PDLIM1: variants seen among roughly 807,000 people sequenced by gnomAD.
PDLIM1 encodes the protein PDZ and LIM domain protein 1.
A neutral mutation model predicts 35.2 loss-of-function variants in PDLIM1; 25 were observed. The observed-to-expected ratio is 0.71, with a 90% confidence interval of 0.52 to 0.99. The LOEUF is 0.99. Ranked by LOEUF, PDLIM1 falls within the 50% of genes least tolerant of loss-of-function variation. The pLI is 0.00. For missense variants in PDLIM1, 363 were observed against 415.3 expected (o/e 0.87, Z 1.09); for synonymous variants, 152 against 154.0 (o/e 0.99, Z 0.10).
rs562977612 is a variant in PDLIM1 at position 95,237,952 on chromosome 10, A to C, written c.963T>G (p.Tyr321Ter). ...ACTTGGGGAACACAGTGACCACTTC[A>C]TAACCCTCAGGTGGTGTGACTCGCT... The part of the protein sequence containing the change: ...ARERVTPPEG[Y>*]EVVTVFPK Residue 321 changes from tyrosine (Y) to a stop codon, truncating the protein, a stop_gained, in exon 7 of 7, where the codon TAT becomes TAG. Transcript: ENST00000329399. LOFTEE classifies it high-confidence loss of function. 2.5e-6 allele frequency: 4 copies of C among 1,614,210 alleles called. No homozygotes were observed. The African/African-American group carries it at 5.3e-5, about 22-fold the overall frequency.
At chr10:95,253,305 C>G (rs1422857863) in intron 4 of PDLIM1, among the ~76,000 whole-genome samples, 1 of 152,096 alleles carries the variant, frequency 6.6e-6, no homozygotes, top group Non-Finnish European at 1.5e-5. Flanking sequence ...AAGGAGAAAT[C>G]AAGACATTCT....
chr10:95,283,665 T>C (rs1227702894), intron 1 of PDLIM1, among the ~76,000 whole-genome samples: 1 of 152,252 alleles, frequency 6.6e-6, no homozygotes, highest in East Asian at 1.9e-4. Flanking sequence ...TGTAGGTTTA[T>C]ATTGTCCGAT....
rs1385856566 is a variant in PDLIM1 at position 95,290,565 on chromosome 10, G to A, written c.96+255C>T. 1.3e-5 allele frequency among the ~76,000 whole-genome samples: 2 copies of A among 152,122 alleles called. No individual in the cohort carries two copies. Among genetic ancestry groups the A allele is most frequent in the East Asian group, 3.9e-4 (2 of 5,180 alleles). ...CGCCGCGCTTCCGGGGCCAAAGAAC[G>A]AAAACTGCCTTCTTTTTTTCTGGCG... On this transcript the variant is annotated intron_variant, in intron 1 of 6. Transcript: ENST00000329399. The surrounding 1 kb of genome is among the most constrained non-coding windows in gnomAD (Gnocchi z 4.7).
At chr10:95,271,420 GAGTGAGACTCCGTCTCAAAAAA>G (rs1047340173) in intron 2 of PDLIM1, among the ~76,000 whole-genome samples, 191 bp downstream of exon 2, 1 of 140,996 alleles carries the variant, frequency 7.1e-6, no homozygotes, top group Non-Finnish European at 1.5e-5. Flanking sequence ...CTGGGCAACA[GAGTGAGACTCCGTCTCAAAAAA>G]AAAAAAAAAA....
intron 4 of PDLIM1, among the ~76,000 whole-genome samples, chr10:95,257,852 T>C (rs1486630858): frequency 6.6e-6 from 1 of 152,194 alleles, no homozygotes; most frequent in African/African-American, 2.4e-5. Flanking sequence ...CCCATGTTCA[T>C]TACAGCATTA....
At chr10:95,278,391 G>T (rs1165702718) in intron 1 of PDLIM1, among the ~76,000 whole-genome samples, 1 of 152,202 alleles carries the variant, frequency 6.6e-6, no homozygotes, top group African/African-American at 2.4e-5. Context: ...AACCACACAA[G>T]GCACTGGAAC....
chr10:95,276,118 C>T, intron 1 of PDLIM1, among the ~76,000 whole-genome samples: 2 of 152,134 alleles, frequency 1.3e-5, no homozygotes, highest in Non-Finnish European at 2.9e-5. Flanking sequence ...GATTACCTCA[C>T]CACCAACATA....
chr10:95,276,896 TAAAAAAAAAAAAAAA>T (rs61442624), intron 1 of PDLIM1, among the ~76,000 whole-genome samples: 1 of 68,878 alleles, frequency 1.5e-5, no homozygotes, highest in East Asian at 5.1e-4. Flanking sequence ...TTCAGTTTCC[TAAAAAAAAAAAAAAA>T]AAAAAAAAAA....
intron 4 of PDLIM1, among the ~76,000 whole-genome samples, chr10:95,254,835 A>G (rs1008802772): frequency 5.9e-5 from 9 of 152,114 alleles, no homozygotes; most frequent in Non-Finnish European, 1.3e-4. Flanking sequence ...TAAGAAGATC[A>G]CTTGAGCCCA....
At chr10:95,260,579 C>G (rs372723953) in intron 4 of PDLIM1, among the ~76,000 whole-genome samples, 2 of 152,178 alleles carry the variant, frequency 1.3e-5, no homozygotes, top group South Asian at 2.1e-4. Flanking sequence ...AGAGAAACCC[C>G]CTCACCTGCC....
intron 4 of PDLIM1, among the ~76,000 whole-genome samples, chr10:95,256,982 A>AAAAAAAGAAAGAAAGAAAG (rs2035316863): frequency 3.2e-5 from 1 of 31,052 alleles, no homozygotes; most frequent in Non-Finnish European, 5.7e-5. Flanking sequence ...CTTAAAAAAA[A>AAAAAAAGAAAGAAAGAAAG]AAAAAAAGAA....
intron 1 of PDLIM1, among the ~76,000 whole-genome samples, chr10:95,280,692 A>C (rs888555943): frequency 1.3e-5 from 2 of 151,992 alleles, no homozygotes; most frequent in East Asian, 3.9e-4. Context: ...GCTTTGTTTT[A>C]TTTTTTTCTT....
chr10:95,270,297 C>G (rs1223319887), intron 2 of PDLIM1, among the ~76,000 whole-genome samples: 1 of 151,580 alleles, frequency 6.6e-6, no homozygotes, highest in Admixed American at 6.6e-5. Flanking sequence ...TTATATACTC[C>G]CCCACACTCG....
At chr10:95,248,584 TGCTGTG>T (rs2035242329) in intron 4 of PDLIM1, among the ~76,000 whole-genome samples, 1 of 152,262 alleles carries the variant, frequency 6.6e-6, no homozygotes, top group Non-Finnish European at 1.5e-5. Flanking sequence ...GACTGTGTCA[TGCTGTG>T]GCTCAATGTA....
At chr10:95,252,270 C>T (rs2035274089) in intron 4 of PDLIM1, among the ~76,000 whole-genome samples, 1 of 152,126 alleles carries the variant, frequency 6.6e-6, no homozygotes, top group East Asian at 1.9e-4. Context: ...CATAAGGTGT[C>T]AGTGGAAGCC....
At chr10:95,247,480 CA>C (rs1810352728) in intron 4 of PDLIM1, 114 bp from the exon 5 acceptor site, 2 of 831,300 alleles carry the variant, frequency 2.4e-6, no homozygotes, top group Non-Finnish European at 1.9e-6. Context: ...GAAATGATCT[CA>C]AAGCCCTCTC....
At position 95,290,775 on chromosome 10, in the gene PDLIM1, C is replaced by T; in HGVS notation, c.96+45G>A. 1 of 1,390,872 alleles carries T rather than the reference C, an allele frequency of 7.2e-7. No homozygotes were observed. Among genetic ancestry groups the T allele is most frequent in the Non-Finnish European group, 9.8e-7 (1 of 1,019,672 alleles). 86.2% of individuals were successfully genotyped at this position (1,390,872 alleles called of 1,614,324 possible). A position where few individuals can be genotyped will look rare whatever the true frequency, so the allele number is the denominator to read the frequency against. On this transcript the variant is annotated intron_variant, in intron 1 of 6. Transcript: ENST00000329399. The surrounding 1 kb of genome is among the most constrained non-coding windows in gnomAD (Gnocchi z 4.7). The stretch of plus-strand genomic sequence containing the variant: ...GCGGGGCCCCAGTCTCCGCATATCA[C>T]CTCCCATAGCGCCCCGCTTCCACGC...
intron 4 of PDLIM1, among the ~76,000 whole-genome samples, chr10:95,256,552 C>G (rs2035312129): frequency 6.6e-6 from 1 of 152,150 alleles, no homozygotes; most frequent in Non-Finnish European, 1.5e-5. Context: ...CATACACTGT[C>G]AAATGATCTT....
intron 1 of PDLIM1, among the ~76,000 whole-genome samples, chr10:95,276,233 G>T (rs1156626339): frequency 6.6e-6 from 1 of 152,064 alleles, no homozygotes; most frequent in Non-Finnish European, 1.5e-5. Context: ...CTCTCTCATT[G>T]CAAATTCCAT....
Sources: allele counts gnomAD v4.1 joint callset (sites outside exome capture counted in the v4.1 genomes callset), GRCh38; gene constraint gnomAD v4.1.1; non-coding constraint Gnocchi (gnomAD v3.1); transcripts MANE v1.5; gene names NCBI Gene and HGNC (gene_info 2026-07-23, HGNC 2026-07-21).